NCAM2: variants seen among roughly 807,000 people sequenced by gnomAD.
The protein encoded by NCAM2 is N-CAM-2.
In NCAM2, 30 loss-of-function variants were observed where a neutral mutation model predicts 98.1. That is an observed-to-expected ratio of 0.31 (90% CI 0.23 to 0.41). The LOEUF is 0.41. Among genes scored for constraint, NCAM2 ranks in the 10% least tolerant of loss-of-function variants. The pLI, the probability that NCAM2 is intolerant of heterozygous loss-of-function variation, is 1.00. For missense variants in NCAM2, 867 were observed against 1,005.8 expected (o/e 0.86, Z 1.87); for synonymous variants, 368 against 342.4 (o/e 1.07, Z -0.83).
intron 1 of NCAM2, among the ~76,000 whole-genome samples, chr21:21,204,752 G>A (rs572657777): frequency 6.6e-6 from 1 of 152,104 alleles, no homozygotes; most frequent in East Asian, 1.9e-4. Flanking sequence ...GAAAAATTGG[G>A]CTATTGCCAA....
intron 1 of NCAM2, among the ~76,000 whole-genome samples, chr21:21,208,574 G>A (rs547644129): frequency 1.3e-5 from 2 of 152,102 alleles, no homozygotes; most frequent in African/African-American, 4.8e-5. Flanking sequence ...ATGGTTGTAA[G>A]TTTCAGCTTT....
At chr21:21,094,523 A>G (rs1040253748) in intron 1 of NCAM2, among the ~76,000 whole-genome samples, 1 of 151,854 alleles carries the variant, frequency 6.6e-6, no homozygotes, top group Non-Finnish European at 1.5e-5. Flanking sequence ...AGTTTAAACT[A>G]TGATTTATCT....
At chr21:21,136,484 C>T (rs1447877014) in intron 1 of NCAM2, among the ~76,000 whole-genome samples, 3 of 148,606 alleles carry the variant, frequency 2.0e-5, no homozygotes, top group East Asian at 3.9e-4. Context: ...TTTTTGGAGA[C>T]GGAGTCTCAT....
At chr21:21,128,265 C>G (rs2066868526) in intron 1 of NCAM2, among the ~76,000 whole-genome samples, 1 of 150,874 alleles carries the variant, frequency 6.6e-6, no homozygotes, top group Non-Finnish European at 1.5e-5. Context: ...TTCTTTTAAG[C>G]AAAGCATCAC....
intron 15 of NCAM2, among the ~76,000 whole-genome samples, chr21:21,491,833 TAA>T (rs1344307406): frequency 6.6e-6 from 1 of 151,644 alleles, no homozygotes; most frequent in African/African-American, 2.4e-5. Flanking sequence ...AATGCATTTA[TAA>T]GTCTTATATA....
intron 1 of NCAM2, among the ~76,000 whole-genome samples, chr21:21,129,874 T>C (rs1050989946): frequency 1.3e-5 from 2 of 152,198 alleles, no homozygotes; most frequent in Admixed American, 6.5e-5. Context: ...TCTGGTGATA[T>C]GTAATGTTAG....
intron 1 of NCAM2, among the ~76,000 whole-genome samples, chr21:21,126,708 AAAGT>A (rs908537778): frequency 2.0e-5 from 3 of 152,066 alleles, no homozygotes; most frequent in African/African-American, 7.2e-5. Context: ...TGTTTTGTGA[AAAGT>A]AATGACCTCA....
At chr21:21,147,591 A>G (rs913180068) in intron 1 of NCAM2, among the ~76,000 whole-genome samples, 3 of 150,948 alleles carry the variant, frequency 2.0e-5, no homozygotes, top group Non-Finnish European at 4.4e-5. Flanking sequence ...CTCAGTATAC[A>G]TACACTGTAT....
intron 1 of NCAM2, among the ~76,000 whole-genome samples, chr21:21,083,268 T>C (rs2065845358): frequency 1.3e-5 from 2 of 152,206 alleles, no homozygotes; most frequent in Admixed American, 1.3e-4. Flanking sequence ...TGGTATTTGG[T>C]GGTACTTATT....
chr21:20,998,624 A>C lies in NCAM2; in HGVS notation c.55+6A>C, dbSNP rs1374999105. On this transcript the variant is annotated splice_donor_region_variant and intron_variant, in intron 1 of 17. Transcript: ENST00000400546. ...GCTTGTCAGTAGCGGGCAAGGTAGG[A>C]GTGTGGCGCTTTATTGCATTTACTT... 4 of 1,613,724 alleles carry C rather than the reference A, an allele frequency of 2.5e-6. No homozygotes were observed. The highest frequency in any genetic ancestry group is 1.1e-5 in the South Asian group (1 of 91,054).
chr21:21,357,313 C>A (rs1302132509), intron 8 of NCAM2, among the ~76,000 whole-genome samples: 1 of 151,986 alleles, frequency 6.6e-6, no homozygotes, highest in African/African-American at 2.4e-5. Context: ...TTGTTTCAGG[C>A]TGACAAAAAT....
At chr21:21,359,466 T>G (rs2075585705) in intron 8 of NCAM2, among the ~76,000 whole-genome samples, 1 of 151,976 alleles carries the variant, frequency 6.6e-6, no homozygotes, top group Non-Finnish European at 1.5e-5. Context: ...TTTGAAATAA[T>G]TCTAGATAAT....
Position 21,410,388 on chromosome 21 carries a change from A to G in NCAM2, c.1310A>G (p.Asp437Gly). The change falls in exon 10 of 18, where the codon GAT (aspartate) becomes GGT (glycine). Residue 437 changes from aspartate to glycine, a missense_variant. By Grantham distance (94) the Asp-to-Gly change is moderately conservative. This residue lies in a region of NCAM2 where 56 missense variants were observed against 39.6 expected (regional missense o/e 1.41). Transcript: ENST00000400546. Reference sequence around the variant, plus strand: ...CCAGCATCAATTCACTGGAGAAGAGATAAATTAGTCTTACCTGCTAAAAAC... The same window carrying G: ...CCAGCATCAATTCACTGGAGAAGAGGTAAATTAGTCTTACCTGCTAAAAAC... ...NPPASIHWRR[D>G]KLVLPAKNTT... 6.2e-7 allele frequency: 1 copy of G among 1,602,120 alleles called. No individual in the cohort carries two copies. The highest frequency in any genetic ancestry group is 1.1e-5 in the South Asian group (1 of 89,248).
At chr21:21,261,901 A>G (rs144378674) in intron 1 of NCAM2, among the ~76,000 whole-genome samples, 2 of 152,222 alleles carry the variant, frequency 1.3e-5, no homozygotes, top group East Asian at 3.9e-4. Context: ...AAATCATACA[A>G]AGAATTAATG....
chr21:21,015,241 G>A (rs1037322823), intron 1 of NCAM2, among the ~76,000 whole-genome samples: 6 of 152,160 alleles, frequency 3.9e-5, no homozygotes, highest in Middle Eastern at 3.2e-3. Flanking sequence ...ATTTTGAAAA[G>A]CATTCTATTG....
chr21:21,289,098 T>C (rs1277554851), intron 4 of NCAM2, among the ~76,000 whole-genome samples: 1 of 151,956 alleles, frequency 6.6e-6, no homozygotes, highest in Non-Finnish European at 1.5e-5. Context: ...GGAAATTCTC[T>C]CTTAAACTTT....
intron 5 of NCAM2, among the ~76,000 whole-genome samples, chr21:21,307,581 G>T (rs913141267): frequency 1.3e-5 from 2 of 152,034 alleles, no homozygotes; most frequent in Admixed American, 6.6e-5. Context: ...AGGCTCTGAG[G>T]CAGAATCCTT....
At chr21:21,239,321 C>T (rs2070971177) in intron 1 of NCAM2, 1 of 152,132 alleles carries the variant, frequency 6.6e-6, no homozygotes, top group Non-Finnish European at 1.5e-5. Context: ...TCCAAGTAGA[C>T]ATCTAGAGCA....
intron 12 of NCAM2, among the ~76,000 whole-genome samples, chr21:21,434,392 T>G (rs900603958): frequency 7.9e-5 from 12 of 152,148 alleles, no homozygotes; most frequent in African/African-American, 2.9e-4. Flanking sequence ...TACTCAAAAG[T>G]CTTGTGGCTA....
Sources: gnomAD v4.1 joint callset for allele counts (sites outside exome capture counted in the v4.1 genomes callset) on GRCh38, gnomAD v4.1.1 for gene constraint, gnomAD v4.1.1 regional missense constraint, MANE v1.5 for transcripts, NCBI Gene and HGNC (gene_info 2026-07-23, HGNC 2026-07-21) for gene names.